Variants in FHIT observed in about 807,000 individuals in gnomAD.
FHIT encodes the protein bis(5'-adenosyl)-triphosphatase.
FHIT carries 19 observed loss-of-function variants against 17.9 expected under a neutral mutation model. That is an observed-to-expected ratio of 1.06 (90% CI 0.74 to 1.56). FHIT has a LOEUF of 1.56. Among genes scored for constraint, FHIT ranks in the 40% most tolerant of loss-of-function variants. The probability of loss-of-function intolerance (pLI) is 0.00; values close to 1 mark genes in which losing one functional copy is unlikely to be tolerated. For synonymous variants in FHIT, 81 were observed against 69.7 expected, an observed-to-expected ratio of 1.16 and a Z score of -0.81; for missense variants, 248 against 189.2, an observed-to-expected ratio of 1.31 and a Z score of -1.82.
chr3:59,784,453 G>A (rs1482685387), intron 8 of FHIT, among the ~76,000 whole-genome samples: 1 of 152,154 alleles, frequency 6.6e-6, no homozygotes, highest in Non-Finnish European at 1.5e-5. Flanking sequence ...TCCTTAACAA[G>A]GCCTAGAAAG....
chr3:60,447,143 C>T (rs2031396023), intron 5 of FHIT, among the ~76,000 whole-genome samples: 1 of 152,014 alleles, frequency 6.6e-6, no homozygotes, highest in South Asian at 2.1e-4. Flanking sequence ...ACTCCCGGCT[C>T]AGCACTCTAT....
At chr3:60,840,031 C>T (rs1197336351) in intron 3 of FHIT, among the ~76,000 whole-genome samples, 1 of 152,050 alleles carries the variant, frequency 6.6e-6, no homozygotes, top group African/African-American at 2.4e-5. Context: ...GAGGGTCCTT[C>T]AGCTCCGTGA....
At chr3:60,898,754 C>A (rs535186884) in intron 3 of FHIT, among the ~76,000 whole-genome samples, 37 of 152,274 alleles carry the variant, frequency 2.4e-4, no homozygotes, top group Non-Finnish European at 3.7e-4. Flanking sequence ...AACTTCCTAA[C>A]AGCCCTTCAC....
chr3:60,084,265 T>C (rs190327277), intron 5 of FHIT, among the ~76,000 whole-genome samples: 2 of 152,276 alleles, frequency 1.3e-5, no homozygotes, highest in East Asian at 1.9e-4. Flanking sequence ...TAAGCAAATA[T>C]TACCATTGTA....
chr3:60,159,085 C>T (rs1049787909), intron 5 of FHIT, among the ~76,000 whole-genome samples: 8 of 152,028 alleles, frequency 5.3e-5, no homozygotes, highest in Non-Finnish European at 7.4e-5. Context: ...TTCTAATCAT[C>T]CCCCACCATT....
At chr3:60,064,578 G>C (rs567814506) in intron 5 of FHIT, among the ~76,000 whole-genome samples, 9 of 152,312 alleles carry the variant, frequency 5.9e-5, no homozygotes, top group African/African-American at 2.2e-4. Flanking sequence ...CATGTGAGCA[G>C]CTCTAGAGCT....
chr3:60,268,262 G>A (rs570385250), intron 5 of FHIT, among the ~76,000 whole-genome samples: 2 of 152,278 alleles, frequency 1.3e-5, no homozygotes, highest in East Asian at 1.9e-4. Context: ...GGCTGAGGAC[G>A]TTAAGTATGA....
intron 4 of FHIT, among the ~76,000 whole-genome samples, chr3:60,562,338 C>A (rs1310612414): frequency 6.6e-6 from 1 of 152,048 alleles, no homozygotes; most frequent in Non-Finnish European, 1.5e-5. Context: ...GTTAGGAGAG[C>A]TGGAAAAACA....
Position 60,521,312 on chromosome 3 carries a change from A to G in FHIT, c.103+15548T>C, listed in dbSNP as rs2035352413. On this transcript the variant is annotated intron_variant, in intron 5 of 9. Transcript: ENST00000492590. Reference sequence around the variant, plus strand: ...TCCCAGGCTGGAGTGCAATGGCATGATCTCGGCTCACTGCAAGCTCCGCCT... The same window carrying G: ...TCCCAGGCTGGAGTGCAATGGCATGGTCTCGGCTCACTGCAAGCTCCGCCT... 2.0e-5 allele frequency among the ~76,000 whole-genome samples: 3 copies of G among 152,020 alleles called. No homozygotes were observed. The South Asian group carries it at 6.2e-4, about 32-fold the overall frequency.
intron 8 of FHIT, among the ~76,000 whole-genome samples, chr3:59,761,587 C>T (rs2106785429): frequency 6.6e-6 from 1 of 152,088 alleles, no homozygotes; most frequent in Middle Eastern, 3.4e-3. Flanking sequence ...TCCCTGCTTG[C>T]AGAGGATCTT....
At chr3:59,975,362 G>A (rs1444279669) in intron 7 of FHIT, among the ~76,000 whole-genome samples, 1 of 152,032 alleles carries the variant, frequency 6.6e-6, no homozygotes, top group African/African-American at 2.4e-5. Flanking sequence ...CTCTAAAAGG[G>A]AGATGATAAA....
intron 8 of FHIT, among the ~76,000 whole-genome samples, chr3:59,835,127 C>A (rs896074655): frequency 4.6e-5 from 7 of 152,260 alleles, no homozygotes; most frequent in African/African-American, 1.7e-4. Flanking sequence ...CTCCTCTCAA[C>A]ACATCGATTA....
chr3:60,107,091 A>G (rs1704451804), intron 5 of FHIT, among the ~76,000 whole-genome samples: 1 of 146,866 alleles, frequency 6.8e-6, no homozygotes, highest in Non-Finnish European at 1.5e-5. Context: ...TCTGGGCACT[A>G]TTTTCCTAGG....
At chr3:60,727,250 G>A (rs537685871) in intron 4 of FHIT, among the ~76,000 whole-genome samples, 1 of 152,104 alleles carries the variant, frequency 6.6e-6, no homozygotes, top group African/African-American at 2.4e-5. Flanking sequence ...TAAAAGCTCA[G>A]TATCAGAAAT....
At chr3:60,188,422 A>G (rs1185641016) in intron 5 of FHIT, among the ~76,000 whole-genome samples, 2 of 152,036 alleles carry the variant, frequency 1.3e-5, no homozygotes, top group African/African-American at 2.4e-5. Context: ...AAGTGACTGT[A>G]TTTTGTAAAA....
At chr3:61,082,824 T>C (rs1328127271) in intron 2 of FHIT, among the ~76,000 whole-genome samples, 1 of 152,210 alleles carries the variant, frequency 6.6e-6, no homozygotes, top group Non-Finnish European at 1.5e-5. Flanking sequence ...CTATCCTCTT[T>C]TGTAAAGGGC....
intron 4 of FHIT, among the ~76,000 whole-genome samples, chr3:60,754,479 A>G (rs2042532973): frequency 6.6e-6 from 1 of 152,148 alleles, no homozygotes; most frequent in African/African-American, 2.4e-5. Flanking sequence ...TACTCTTTTT[A>G]TATTAGCCGG....
At chr3:60,157,107 A>G (rs1463148319) in intron 5 of FHIT, among the ~76,000 whole-genome samples, 1 of 152,152 alleles carries the variant, frequency 6.6e-6, no homozygotes, top group Non-Finnish European at 1.5e-5. Context: ...TTATTTATAA[A>G]CATTTATTGA....
chr3:60,450,168 G>A (rs932923834), intron 5 of FHIT, among the ~76,000 whole-genome samples: 5 of 144,202 alleles, frequency 3.5e-5, no homozygotes, highest in Non-Finnish European at 1.5e-5. Context: ...GTAAACTACT[G>A]TAGACTTTAA....
Sources: gnomAD v4.1 joint callset for allele counts (sites outside exome capture counted in the v4.1 genomes callset) on GRCh38, gnomAD v4.1.1 for gene constraint, MANE v1.5 for transcripts, NCBI Gene and HGNC (gene_info 2026-07-23, HGNC 2026-07-21) for gene names.